NALCN: variants seen among roughly 807,000 people sequenced by gnomAD.
NALCN encodes sodium leak channel NALCN.
NALCN carries 111 observed loss-of-function variants against 225.3 expected under a neutral mutation model. The observed-to-expected ratio is 0.49, with a 90% CI of 0.42 to 0.58. NALCN has a LOEUF of 0.58. Among genes scored for constraint, NALCN ranks in the 20% least tolerant of loss-of-function variants. NALCN has a pLI of 0.00. For missense variants in NALCN, 1,378 were observed against 2,202.4 expected, an observed-to-expected ratio of 0.63 and a Z score of 7.49; for synonymous variants, 764 against 769.0, an observed-to-expected ratio of 0.99 and a Z score of 0.11.
rs2031012462 is a variant in NALCN at position 101,054,834 on chromosome 13, C to G, written c.*461G>C. 1 of 152,568 alleles carries G rather than the reference C, an allele frequency of 6.6e-6. No homozygotes were observed. The highest frequency in any genetic ancestry group is 2.4e-5 in the African/African-American group (1 of 41,398). 9.5% of individuals were successfully genotyped at this position (152,568 alleles called of 1,614,324 possible). A position where few individuals can be genotyped will look rare whatever the true frequency, so the allele number is the denominator to read the frequency against. On this transcript the variant is annotated 3_prime_UTR_variant, in exon 44 of 44. Transcript: ENST00000251127. Reference sequence around the variant, plus strand: ...AAGTTCAGTGCTGACCTTTTCAGATCAATCATAAATAATAAATTCTCTCAA... The same window carrying G: ...AAGTTCAGTGCTGACCTTTTCAGATGAATCATAAATAATAAATTCTCTCAA...
In NALCN at chr13:101,345,390, T is replaced by C. The variant is rs1407455548; in HGVS notation, c.675A>G (p.Pro225=). 1.9e-6 allele frequency: 3 copies of C among 1,613,690 alleles called. No homozygotes were observed. In the Admixed American group the frequency reaches 5.0e-5, roughly 27 times the overall value. ...GNVTWNSLAI[P]DTHCSPELEE... ...CTAGCTCTGGTGAGCAGTGTGTGTC[T>C]GGAATAGCTAAACTATTCCAGGTTA... Residue 225 remains proline, a synonymous_variant, in exon 7 of 44, where the codon CCA becomes CCG. Transcript: ENST00000251127.
chr13:101,127,082 C>G (rs768678393), intron 17 of NALCN, among the ~76,000 whole-genome samples: 18 of 152,178 alleles, frequency 1.2e-4, no homozygotes, highest in Non-Finnish European at 2.4e-4. Flanking sequence ...AGATGAGAGT[C>G]TGAATCCAAT....
chr13:101,224,186 C>A (rs764134295), intron 13 of NALCN, among the ~76,000 whole-genome samples: 2 of 152,182 alleles, frequency 1.3e-5, no homozygotes, highest in Non-Finnish European at 2.9e-5. Context: ...TACTTCCCTT[C>A]GCCTCACCTA....
At chr13:101,227,474 T>G (rs552130625) in intron 13 of NALCN, among the ~76,000 whole-genome samples, 1 of 152,100 alleles carries the variant, frequency 6.6e-6, no homozygotes, top group East Asian at 1.9e-4. Flanking sequence ...AGTCCCCATC[T>G]CCTCCCGTGG....
intron 7 of NALCN, among the ~76,000 whole-genome samples, chr13:101,308,618 T>C (rs1186495400): frequency 6.6e-6 from 1 of 152,202 alleles, no homozygotes; most frequent in Non-Finnish European, 1.5e-5. Context: ...TTACATAGAC[T>C]GAGACTCAAA....
At chr13:101,280,384 C>T (rs2043127610) in intron 10 of NALCN, among the ~76,000 whole-genome samples, 2 of 152,184 alleles carry the variant, frequency 1.3e-5, no homozygotes, top group South Asian at 2.1e-4. Flanking sequence ...CACATCTATA[C>T]ACTTCAAGCC....
At chr13:101,278,176 A>G (rs1475936415) in intron 10 of NALCN, among the ~76,000 whole-genome samples, 1 of 152,208 alleles carries the variant, frequency 6.6e-6, no homozygotes, top group Non-Finnish European at 1.5e-5. Context: ...ATTACAAAGT[A>G]CAGCCGTTCA....
intron 6 of NALCN, chr13:101,368,861 C>A: frequency 5.6e-6 from 1 of 178,122 alleles, no homozygotes; most frequent in South Asian, 8.5e-5. Flanking sequence ...CAAAAATTAC[C>A]CGGGTGTGGT....
At chr13:101,091,332 T>C (rs1043304046) in intron 28 of NALCN, among the ~76,000 whole-genome samples, 4 of 152,146 alleles carry the variant, frequency 2.6e-5, no homozygotes, top group African/African-American at 9.6e-5. Flanking sequence ...CAGGCAACGC[T>C]CTAGGGAAAA....
At chr13:101,171,285 T>A (rs188866180) in intron 15 of NALCN, among the ~76,000 whole-genome samples, 207 of 148,948 alleles carry the variant, frequency 1.4e-3, no homozygotes, top group African/African-American at 4.9e-3. Context: ...CATATATTTA[T>A]AAATATAATC....
intron 14 of NALCN, among the ~76,000 whole-genome samples, chr13:101,190,488 G>C (rs544243725): frequency 6.6e-6 from 1 of 152,340 alleles, no homozygotes; most frequent in East Asian, 1.9e-4. Context: ...AGCACAGCCA[G>C]ATTCAGCTTT....
Position 101,242,102 on chromosome 13 carries a change from C to T in NALCN, c.1267-4180G>A, listed in dbSNP as rs1160317270. 3.8e-5 allele frequency among the ~76,000 whole-genome samples: 4 copies of T among 106,066 alleles called. 2 individuals carry two copies. The highest frequency in any genetic ancestry group is 8.4e-5 in the Non-Finnish European group (4 of 47,468). 69.6% of individuals were successfully genotyped at this position (106,066 alleles called of 152,430 possible). ...GTTTGGTAGAAATGATTTTTAGTTA[C>T]CTTGCAGGGCCACTTTGTATGTGCT... On this transcript the variant is annotated intron_variant, in intron 11 of 43. Transcript: ENST00000251127.
At chr13:101,220,950 T>C (rs528957260) in intron 13 of NALCN, among the ~76,000 whole-genome samples, 28 of 152,242 alleles carry the variant, frequency 1.8e-4, no homozygotes, top group Non-Finnish European at 4.1e-4. Context: ...TCGGCTTACA[T>C]CTTGGTTGTG....
intron 12 of NALCN, among the ~76,000 whole-genome samples, chr13:101,230,446 G>A (rs1327324736): frequency 1.3e-5 from 2 of 152,130 alleles, no homozygotes; most frequent in African/African-American, 4.8e-5. Context: ...GGTTGCCTGG[G>A]GCTATAGCCT....
At chr13:101,140,761 T>C (rs1411653807) in intron 17 of NALCN, among the ~76,000 whole-genome samples, 1 of 152,018 alleles carries the variant, frequency 6.6e-6, no homozygotes, top group Non-Finnish European at 1.5e-5. Context: ...ATAAGTTTAA[T>C]TTAAAAAAAT....
intron 10 of NALCN, among the ~76,000 whole-genome samples, chr13:101,280,059 C>A (rs900164603): frequency 1.6e-4 from 25 of 152,006 alleles, no homozygotes; most frequent in African/African-American, 5.8e-4. Context: ...TTACTTAATT[C>A]TTTTCTTTTA....
chr13:101,177,380 T>C (rs902066226), intron 14 of NALCN, among the ~76,000 whole-genome samples: 3 of 131,948 alleles, frequency 2.3e-5, no homozygotes, highest in Non-Finnish European at 3.5e-5. Context: ...TTTTATGGTG[T>C]TGAAAACACA....
intron 6 of NALCN, among the ~76,000 whole-genome samples, chr13:101,375,493 C>G (rs2700006): frequency 0.11 from 16,137 of 152,108 alleles, 1,294 homozygotes; most frequent in East Asian, 0.35. Context: ...AAGAAATCCT[C>G]CAACTGCAGA....
chr13:101,312,052 T>C lies in NALCN; in HGVS notation c.800-19686A>G, dbSNP rs538657688. ...ACAATTTCAGAGCCTGTTATTGGTC[T>C]ATTCAGAGATTCAACTTCTTCCTGG... is the stretch of plus-strand genomic sequence containing the variant. On this transcript the variant is annotated intron_variant, in intron 7 of 43. Transcript: ENST00000251127. 1.7e-3 allele frequency among the ~76,000 whole-genome samples: 252 copies of C among 152,348 alleles called. 6 individuals are homozygous for C. The South Asian group carries it at 0.017, about 10-fold the overall frequency.
Sources: gnomAD v4.1 joint callset for allele counts (sites outside exome capture counted in the v4.1 genomes callset) on GRCh38, gnomAD v4.1.1 for gene constraint, MANE v1.5 for transcripts, NCBI Gene and HGNC (gene_info 2026-07-23, HGNC 2026-07-21) for gene names.